CCL24: variants seen among roughly 807,000 people sequenced by gnomAD.
CCL24 encodes the protein C-C motif chemokine 24.
Under a neutral mutation model 8.6 loss-of-function variants are expected in CCL24, and 6 were observed. The ratio of observed to expected loss-of-function variants is 0.70; its 90% CI spans 0.38 to 1.38. CCL24 has a LOEUF of 1.38. CCL24 is among the 40% of genes most tolerant of loss of function. CCL24 has a pLI of 0.02. For missense variants in CCL24, 126 were observed against 147.1 expected, an observed-to-expected ratio of 0.86 and a Z score of 0.74; for synonymous variants, 59 against 52.7, an observed-to-expected ratio of 1.12 and a Z score of -0.52.
At chr7:75,814,579 T>C (rs1480049011), upstream of CCL24, among the ~76,000 whole-genome samples, 2 of 150,954 alleles carry the variant, frequency 1.3e-5, no homozygotes, top group Non-Finnish European at 2.9e-5. Context: ...AATCAATCAA[T>C]CAACCAATCA....
intron 2 of CCL24, 148 bp downstream of exon 2, chr7:75,813,158 T>G: frequency 1.8e-6 from 1 of 567,634 alleles, no homozygotes. Flanking sequence ...CTCCTAGTTT[T>G]ATGGGCAAGG....
chr7:75,822,033 CAGAGATTGCGGTGAGCCA>C (rs1230035288), intron 1 of CCL24, among the ~76,000 whole-genome samples: 1 of 151,856 alleles, frequency 6.6e-6, no homozygotes, highest in Non-Finnish European at 1.5e-5. Context: ...ACCCGGGAGG[CAGAGATTGCGGTGAGCCA>C]AGATCGCACC....
upstream of CCL24, among the ~76,000 whole-genome samples, chr7:75,815,881 G>A (rs781228753): frequency 2.0e-5 from 3 of 152,178 alleles, no homozygotes; most frequent in Non-Finnish European, 4.4e-5. Context: ...TATTGCTACT[G>A]ACAGGCTTCA....
chr7:75,815,952 C>G (rs999072787), upstream of CCL24, among the ~76,000 whole-genome samples: 23 of 152,158 alleles, frequency 1.5e-4, no homozygotes, highest in African/African-American at 5.5e-4. Context: ...CCAACCCCTC[C>G]CTACGGTTCT....
chr7:75,820,085 CT>C (rs1563353894), intron 1 of CCL24, among the ~76,000 whole-genome samples: 5 of 138,688 alleles, frequency 3.6e-5, no homozygotes, highest in African/African-American at 1.0e-4. Flanking sequence ...TCTTCTTCTT[CT>C]TCCTCTTCTT....
chr7:75,820,018 A>ACGTCTTCTTCTTCTTCTTCTTCTTCTT (rs1230617445), intron 1 of CCL24, among the ~76,000 whole-genome samples: 14 of 104,908 alleles, frequency 1.3e-4, no homozygotes, highest in East Asian at 1.3e-3. Flanking sequence ...TTAGTAAACT[A>ACGTCTTCTTCTTCTTCTTCTTCTTCTT]CTTCTTCTTC....
chr7:75,813,692 T>C lies in CCL24; in HGVS notation c.24A>G (p.Val8=). Residue 8 remains valine (V), a synonymous_variant, in exon 1 of 3, where the codon GTA becomes GTG. Transcript: ENST00000222902. The stretch of plus-strand genomic sequence containing the variant: ...AGACACCAAGGAACAGAAGGCTGGT[T>C]ACTATGGTCATCAGGCCTGCCATGT... MAGLMTI[V]TSLLFLGVCA... 1 of 1,614,062 alleles carries C rather than the reference T, an allele frequency of 6.2e-7. No homozygotes were observed. Among genetic ancestry groups the C allele is most frequent in the South Asian group, 1.1e-5 (1 of 91,076 alleles).
rs549916779 is a variant in CCL24 at position 75,819,789 on chromosome 7, G to A, written c.-60+3533C>T. On this transcript the variant is annotated intron_variant, in intron 1 of 3. Coordinates refer to the CCL24 transcript ENST00000416943. ...TACTAAGGTCTGAACTGAATTTTAG[G>A]TCAAACCATAGGCCCAAGATGGGCA... Among the ~76,000 whole-genome samples the A allele has an allele frequency of 1.3e-3, 194 of 152,100 alleles. 1 individual carries two copies. The highest frequency in any genetic ancestry group is 4.6e-3 in the African/African-American group (190 of 41,480).
At position 75,820,145 on chromosome 7, in the gene CCL24, CCTCCTCCTT is replaced by C. The variant is rs781855826; in HGVS notation, c.-60+3168_-60+3176del. Among the ~76,000 whole-genome samples, 39 of 96,774 alleles carry C rather than the reference CCTCCTCCTT, an allele frequency of 4.0e-4. 1 individual carries two copies. The highest frequency in any genetic ancestry group is 2.9e-3 in the East Asian group (7 of 2,378). The allele number at this position is 96,774 out of a possible 152,430, so 63.5% of individuals were successfully genotyped here. On this transcript the variant is annotated intron_variant, in intron 1 of 3. Transcript: ENST00000416943. Reference sequence around the variant, plus strand: ...TTCTTCTTCTTCTCCTCCTCCTCCTCCTCCTCCTTCTCCTTCTCCTTCTCCTTCTCCTTC... The same window carrying C: ...TTCTTCTTCTTCTCCTCCTCCTCCTCCTCCTTCTCCTTCTCCTTCTCCTTC...
At chr7:75,821,194 G>A (rs1314062940) in intron 1 of CCL24, among the ~76,000 whole-genome samples, 1 of 152,176 alleles carries the variant, frequency 6.6e-6, no homozygotes, top group Non-Finnish European at 1.5e-5. Context: ...GGCTGACCAA[G>A]GGGAGTTGGG....
intron 1 of CCL24, among the ~76,000 whole-genome samples, chr7:75,819,926 G>A (rs1554534754): frequency 6.6e-6 from 1 of 152,028 alleles, no homozygotes; most frequent in African/African-American, 2.4e-5. Context: ...ATGAAATGGT[G>A]GGGGCGGGGA....
Position 75,811,760 on chromosome 7 carries a change from C to A in CCL24, c.*36G>T. 1 of 1,589,466 alleles carries A rather than the reference C, an allele frequency of 6.3e-7. No homozygotes were observed. ...GCCCCGAGTAGCCCGCCAAGCAGCT[C>A]AGGCCCAAACTCAGGGCTGGAGGGC... On this transcript the variant is annotated 3_prime_UTR_variant, in exon 3 of 3. Coordinates refer to ENST00000222902, the MANE Select transcript of CCL24 (RefSeq NM_002991.3).
At chr7:75,822,162 C>T (rs1022694963) in intron 1 of CCL24, among the ~76,000 whole-genome samples, 3 of 152,000 alleles carry the variant, frequency 2.0e-5, no homozygotes, top group African/African-American at 7.2e-5. Context: ...TGTCCCGACA[C>T]TTTGTGGCTG....
upstream of CCL24, among the ~76,000 whole-genome samples, chr7:75,816,571 A>ATTTATTTATTTATTTATTTATTTATTTAT (rs139417962): frequency 1.0e-3 from 156 of 151,646 alleles, no homozygotes; most frequent in African/African-American, 3.7e-3. Context: ...TTATTTATTT[A>ATTTATTTATTTATTTATTTATTTATTTAT]TTATTTTTGA....
chr7:75,811,550 C>T lies in CCL24; in HGVS notation c.*246G>A. 1 of 407,914 alleles carries T rather than the reference C, an allele frequency of 2.5e-6. No homozygotes were observed. The highest frequency in any genetic ancestry group is 4.4e-6 in the Non-Finnish European group (1 of 229,526). 25.3% of individuals were successfully genotyped at this position (407,914 alleles called of 1,614,324 possible). ...AAGGCAAAGAGTTGCCACTGCTCTC[C>T]TTCTGGGATCTTCTCACCCAGCTCC... is the stretch of plus-strand genomic sequence containing the variant. On this transcript the variant is annotated 3_prime_UTR_variant, in exon 3 of 3. Transcript: ENST00000222902.
intron 1 of CCL24, among the ~76,000 whole-genome samples, chr7:75,822,207 A>G (rs1252640796): frequency 6.6e-6 from 1 of 152,178 alleles, no homozygotes; most frequent in Admixed American, 6.6e-5. Flanking sequence ...GACAGCCTCA[A>G]CTGCCCCACC....
chr7:75,815,211 C>A (rs887724040), upstream of CCL24, among the ~76,000 whole-genome samples: 1 of 151,720 alleles, frequency 6.6e-6, no homozygotes, highest in South Asian at 2.1e-4. Context: ...CGGTGGTATG[C>A]GCCTGTAGTC....
upstream of CCL24, among the ~76,000 whole-genome samples, chr7:75,817,386 C>A (rs1396159924): frequency 6.6e-6 from 1 of 151,490 alleles, no homozygotes; most frequent in East Asian, 1.9e-4. Context: ...CCCCATGTTG[C>A]AACAGGAGTG....
intron 1 of CCL24, among the ~76,000 whole-genome samples, chr7:75,821,999 G>A (rs142748550): frequency 0.093 from 14,085 of 151,902 alleles, 767 homozygotes; most frequent in East Asian, 0.18. Context: ...CTACTCCGGA[G>A]GCTGAGGCAG....
Sources: allele counts gnomAD v4.1 joint callset (sites outside exome capture counted in the v4.1 genomes callset), GRCh38; gene constraint gnomAD v4.1.1; transcripts MANE v1.5; gene names NCBI Gene and HGNC (gene_info 2026-07-23, HGNC 2026-07-21).